Variants in CTNNA2 observed in about 807,000 individuals in gnomAD.
The protein encoded by CTNNA2 is catenin alpha 2.
CTNNA2 carries 42 observed loss-of-function variants against 101.0 expected under a neutral mutation model. That is an observed-to-expected ratio of 0.42 (90% confidence interval 0.32 to 0.54). CTNNA2 has a LOEUF of 0.54. Ranked by LOEUF, CTNNA2 falls within the 20% of genes least tolerant of loss-of-function variation. The probability of loss-of-function intolerance (pLI) is 0.14; values close to 1 mark genes in which losing one functional copy is unlikely to be tolerated. For synonymous variants in CTNNA2, 450 were observed against 456.4 expected, an observed-to-expected ratio of 0.99 and a Z score of 0.18; for missense variants, 871 against 1,223.1, an observed-to-expected ratio of 0.71 and a Z score of 4.29.
intron 1 of CTNNA2, among the ~76,000 whole-genome samples, chr2:79,606,995 A>G (rs756640214): frequency 6.6e-6 from 1 of 152,214 alleles, no homozygotes; most frequent in Non-Finnish European, 1.5e-5. Flanking sequence ...TAAAGAGCAG[A>G]GAGTATCAGA....
chr2:80,057,477 G>A (rs1697299451), intron 7 of CTNNA2, among the ~76,000 whole-genome samples: 1 of 152,172 alleles, frequency 6.6e-6, no homozygotes, highest in Non-Finnish European at 1.5e-5. Context: ...TTGGGAGCAG[G>A]TATCTGAGGG....
intron 4 of CTNNA2, among the ~76,000 whole-genome samples, chr2:79,429,837 G>T (rs992003700): frequency 2.6e-5 from 4 of 152,052 alleles, no homozygotes; most frequent in Admixed American, 6.6e-5. Context: ...AGTATGTGAG[G>T]TTCCAGGAGG....
intron 9 of CTNNA2, among the ~76,000 whole-genome samples, chr2:80,516,499 C>A (rs1381107416): frequency 6.6e-6 from 1 of 152,132 alleles, no homozygotes; most frequent in East Asian, 1.9e-4. Flanking sequence ...CAAAGCACCT[C>A]AAATAGGTCC....
intron 18 of CTNNA2, among the ~76,000 whole-genome samples, chr2:80,623,620 C>T (rs565471673): frequency 4.6e-5 from 7 of 152,000 alleles, no homozygotes; most frequent in African/African-American, 1.7e-4. Flanking sequence ...GGATTATCTG[C>T]ATGCCAGCTA....
chr2:80,323,837 A>C (rs1166878343), intron 7 of CTNNA2, among the ~76,000 whole-genome samples: 1 of 152,172 alleles, frequency 6.6e-6, no homozygotes, highest in Non-Finnish European at 1.5e-5. Context: ...GTGGAGCAGG[A>C]TATTCCACCC....
At chr2:80,438,903 C>A (rs1387359210) in intron 9 of CTNNA2, among the ~76,000 whole-genome samples, 1 of 152,180 alleles carries the variant, frequency 6.6e-6, no homozygotes, top group Non-Finnish European at 1.5e-5. Context: ...AGTATTACAT[C>A]GACCACTCCT....
At chr2:80,020,629 A>G (rs539072970) in intron 7 of CTNNA2, among the ~76,000 whole-genome samples, 3 of 152,216 alleles carry the variant, frequency 2.0e-5, no homozygotes, top group Admixed American at 6.5e-5. Flanking sequence ...CTATTCTTCT[A>G]TACTATGCAG....
chr2:80,180,792 T>C (rs1244084874), intron 7 of CTNNA2, among the ~76,000 whole-genome samples: 1 of 152,204 alleles, frequency 6.6e-6, no homozygotes, highest in East Asian at 1.9e-4. Context: ...TTTTGATCCC[T>C]TCCTCTACAT....
intron 7 of CTNNA2, among the ~76,000 whole-genome samples, chr2:80,312,914 A>G (rs1313184205): frequency 6.6e-6 from 1 of 152,214 alleles, no homozygotes; most frequent in African/African-American, 2.4e-5. Flanking sequence ...TAGCACTAGT[A>G]AATATGTTTT....
chr2:80,272,415 A>G (rs1371685758), intron 7 of CTNNA2, among the ~76,000 whole-genome samples: 3 of 152,234 alleles, frequency 2.0e-5, no homozygotes, highest in African/African-American at 7.2e-5. Context: ...TGATTTCCAA[A>G]GGCTGAAAGT....
At chr2:79,504,761 T>C (rs2103810057) in intron 4 of CTNNA2, among the ~76,000 whole-genome samples, 1 of 152,316 alleles carries the variant, frequency 6.6e-6, no homozygotes, top group South Asian at 2.1e-4. Flanking sequence ...AAACATCATG[T>C]CATTGTCTTT....
chr2:79,681,379 G>C (rs2104642058), intron 2 of CTNNA2, among the ~76,000 whole-genome samples: 1 of 152,318 alleles, frequency 6.6e-6, no homozygotes, highest in African/African-American at 2.4e-5. Flanking sequence ...TGAGTAGACA[G>C]CTTTTGGCCT....
intron 2 of CTNNA2, among the ~76,000 whole-genome samples, chr2:79,673,935 T>C (rs991091209): frequency 1.3e-5 from 2 of 152,206 alleles, no homozygotes; most frequent in African/African-American, 2.4e-5. Flanking sequence ...ATTATTGAAC[T>C]TCAAACTATT....
intron 7 of CTNNA2, among the ~76,000 whole-genome samples, chr2:80,024,601 T>A (rs1455880585): frequency 1.3e-5 from 2 of 152,170 alleles, no homozygotes; most frequent in African/African-American, 4.8e-5. Flanking sequence ...CCGGGGCAGA[T>A]GAACACTGGA....
chr2:80,232,317 T>TG (rs1393650736), intron 7 of CTNNA2, among the ~76,000 whole-genome samples: 1 of 146,898 alleles, frequency 6.8e-6, no homozygotes, highest in African/African-American at 2.5e-5. Flanking sequence ...TTACAGAATT[T>TG]GGGTTTTGTT....
At position 80,303,743 on chromosome 2, in the gene CTNNA2, C is replaced by T. The variant is rs199639659; in HGVS notation, c.1057-89468C>T. 616 of 1,596,762 alleles carry T rather than the reference C, an allele frequency of 3.9e-4. 2 individuals carry two copies. The highest frequency in any genetic ancestry group is 2.5e-3 in the African/African-American group (189 of 74,660). ...GGCGGGCAGCATCTGAAAGCAGGCC[C>T]CCAGCAGACACAAGACCACCCCCGA... On this transcript the variant is annotated intron_variant, in intron 7 of 18. Coordinates refer to ENST00000402739, the MANE Select transcript of CTNNA2 (RefSeq NM_001282597.3). The surrounding 1 kb of genome is among the most constrained non-coding windows in gnomAD (Gnocchi z 7.7).
intron 18 of CTNNA2, among the ~76,000 whole-genome samples, chr2:80,623,048 T>TAAAAAA (rs367889797): frequency 1.6e-5 from 2 of 121,620 alleles, no homozygotes; most frequent in Non-Finnish European, 1.7e-5. Flanking sequence ...CGCTAGTTTC[T>TAAAAAA]AAAAAAAAAA....
chr2:80,347,437 T>G (rs1202349622), intron 7 of CTNNA2, among the ~76,000 whole-genome samples: 3 of 152,188 alleles, frequency 2.0e-5, no homozygotes, highest in African/African-American at 7.2e-5. Context: ...TGCCTGTGTA[T>G]TATATATGTG....
intron 7 of CTNNA2, among the ~76,000 whole-genome samples, chr2:80,383,009 C>A (rs1034612074): frequency 1.3e-4 from 20 of 152,152 alleles, no homozygotes; most frequent in Admixed American, 1.2e-3. Flanking sequence ...GATGAAATGG[C>A]ATTTTTTAGC....
Sources: gnomAD v4.1 joint callset for allele counts (sites outside exome capture counted in the v4.1 genomes callset) on GRCh38, gnomAD v4.1.1 for gene constraint, Gnocchi (gnomAD v3.1) non-coding constraint, MANE v1.5 for transcripts, NCBI Gene and HGNC (gene_info 2026-07-23, HGNC 2026-07-21) for gene names.